Variants in MACF1 observed in about 807,000 individuals in gnomAD.
MACF1 encodes microtubule actin crosslinking factor 1.
A neutral mutation model predicts 854.8 loss-of-function variants in MACF1; 193 were observed. The ratio of observed to expected loss-of-function variants is 0.23; its 90% CI spans 0.20 to 0.25. MACF1 has a LOEUF of 0.25. Among genes scored for constraint, MACF1 ranks in the 10% least tolerant of loss-of-function variants. The pLI is 1.00. For missense variants in MACF1, 7,722 were observed against 8,929.1 expected, an observed-to-expected ratio of 0.86 and a Z score of 5.45; for synonymous variants, 3,185 against 3,226.7, an observed-to-expected ratio of 0.99 and a Z score of 0.44.
rs772507958 is a variant in MACF1, at chr1:39,428,230, A to G, written c.16746A>G (p.Ser5582=). The change falls in exon 63 of 101, where the codon TCA becomes TCG. Residue 5582 remains serine, a synonymous_variant. Transcript: ENST00000564288. ...WLAEVEDKLS[S]VFVKDFKQDV... is the part of the protein sequence containing the mutation. ...CTGAGGTTGAGGACAAGCTCAGTTC[A>G]GTGTTCGTAAAGGATTTCAAACAGG... The G allele has an allele frequency of 1.9e-6, 3 of 1,614,046 alleles. No homozygotes were observed. The highest frequency in any genetic ancestry group is 2.2e-5 in the South Asian group (2 of 91,044).
At chr1:39,376,269 A>G (rs1408363347) in intron 52 of MACF1, among the ~76,000 whole-genome samples, 3 of 152,226 alleles carry the variant, frequency 2.0e-5, no homozygotes, top group Non-Finnish European at 4.4e-5. Flanking sequence ...CATTTAAACC[A>G]AACATTAAAC....
At chr1:39,353,280 C>CCTG in intron 44 of MACF1, 49 bp downstream of exon 44, 1 of 1,420,846 alleles carries the variant, frequency 7.0e-7, no homozygotes, top group Non-Finnish European at 9.6e-7. Flanking sequence ...CTCTCCTGCC[C>CCTG]TGAGCAAGTA....
chr1:39,432,680 A>G (rs751878646), intron 67 of MACF1, 26 bp downstream of exon 67: 2 of 1,606,516 alleles, frequency 1.2e-6, no homozygotes, highest in Admixed American at 1.7e-5. Flanking sequence ...TTCCTGAGCT[A>G]ATAGAATCAT....
intron 2 of MACF1, among the ~76,000 whole-genome samples, chr1:39,242,070 C>A (rs932056206): frequency 6.6e-6 from 1 of 152,020 alleles, no homozygotes; most frequent in African/African-American, 2.4e-5. Context: ...AAATGGAGGC[C>A]GGGTGCAGTG....
intron 58 of MACF1, among the ~76,000 whole-genome samples, chr1:39,421,268 A>G (rs1618798): frequency 0.056 from 8,468 of 152,308 alleles, 301 homozygotes; most frequent in African/African-American, 0.098. Flanking sequence ...AGAGCAAAAT[A>G]TACACGTTGC....
intron 1 of MACF1, among the ~76,000 whole-genome samples, chr1:39,208,927 C>T (rs1020597556): frequency 8.6e-5 from 13 of 151,890 alleles, no homozygotes; most frequent in Admixed American, 3.3e-4. Flanking sequence ...TTACTCATCT[C>T]AGTATCTGCA....
intron 26 of MACF1, among the ~76,000 whole-genome samples, chr1:39,314,565 TCTCTCACACA>T (rs1437810942): frequency 5.2e-4 from 27 of 51,780 alleles, no homozygotes; most frequent in Admixed American, 1.6e-3. Flanking sequence ...TCTCTCTCTC[TCTCTCACACA>T]CACACACACA....
Position 39,285,108 on chromosome 1 carries a change from A to G in MACF1, c.1157A>G (p.Lys386Arg). The change falls in exon 12 of 101, where the codon AAA (lysine) becomes AGA (arginine). Residue 386 changes from lysine (K) to arginine (R), a missense_variant. Around this residue, in one of 15 missense-constraint regions of MACF1, gnomAD observed 97 missense variants for 130.4 expected, o/e 0.74. Coordinates refer to ENST00000564288, the MANE Select transcript of MACF1 (RefSeq NM_001394062.1). The part of the protein sequence containing the change: ...LEVWIEFGRI[K>R]LPQGYHPNDV... ...GTGTGGATTGAATTTGGCCGAATTA[A>G]ACTGCCTCAAGGTTATCACCCTAAT... 1.2e-6 allele frequency: 2 copies of G among 1,614,202 alleles called. No homozygotes were observed. Among genetic ancestry groups the G allele is most frequent in the Non-Finnish European group, 1.7e-6 (2 of 1,180,044 alleles).
intron 58 of MACF1, among the ~76,000 whole-genome samples, chr1:39,392,247 C>A (rs75415039): frequency 0.018 from 2,724 of 152,148 alleles, 85 homozygotes; most frequent in African/African-American, 0.063. Flanking sequence ...GAGAAAAATT[C>A]TGTGTGTCAG....
intron 44 of MACF1, among the ~76,000 whole-genome samples, chr1:39,353,628 G>A (rs942089229): frequency 1.3e-5 from 2 of 152,012 alleles, no homozygotes; most frequent in Non-Finnish European, 2.9e-5. Context: ...GCTTCAAAAC[G>A]GTATATAAAT....
chr1:39,346,669 G>A (rs1385502397), intron 40 of MACF1, among the ~76,000 whole-genome samples: 1 of 151,848 alleles, frequency 6.6e-6, no homozygotes, highest in Non-Finnish European at 1.5e-5. Flanking sequence ...ACAGGCGCCT[G>A]CCACTACGCC....
intron 84 of MACF1, 35 bp downstream of exon 84, chr1:39,448,798 G>A (rs746906450): frequency 1.3e-6 from 2 of 1,492,608 alleles, no homozygotes; most frequent in South Asian, 2.8e-5. Context: ...GGTCTAACCG[G>A]GATCCCAAAA....
At position 39,336,396 on chromosome 1, in the gene MACF1, T is replaced by C. The variant is rs375276705; in HGVS notation, c.9808T>C (p.Phe3270Leu). Residue 3270 changes from phenylalanine to leucine, a missense_variant, in exon 37 of 101, where the codon TTT (phenylalanine) becomes CTT (leucine). By Grantham distance (22) the Phe-to-Leu change is conservative. Transcript: ENST00000564288. Reference sequence around the variant, plus strand: ...GAGAGGTTCCAGAGTCTTGGGATCCTTTCTTCCAGAGAAACTGTTCAAAGG... The same window carrying C: ...GAGAGGTTCCAGAGTCTTGGGATCCCTTCTTCCAGAGAAACTGTTCAAAGG... ...TQRGSRVLGSFLPEKLFKGVS... is the reference protein window; with the variant it reads ...TQRGSRVLGSLLPEKLFKGVS... 63 of 1,614,092 alleles carry C rather than the reference T, an allele frequency of 3.9e-5. No homozygotes were observed. The highest frequency in any genetic ancestry group is 2.2e-5 in the South Asian group (2 of 91,088).
At position 39,267,917 on chromosome 1, in the gene MACF1, A is replaced by G. The variant is rs569004158; in HGVS notation, c.528+9889A>G. Reference sequence around the variant, plus strand: ...ATGCTCCAGAAGGCTAGATCTTTAAAGTCTGTGTTCCTTTTCTTAACTGTA... The same window carrying G: ...ATGCTCCAGAAGGCTAGATCTTTAAGGTCTGTGTTCCTTTTCTTAACTGTA... On this transcript the variant is annotated intron_variant, in intron 6 of 100. Transcript: ENST00000564288. Among the ~76,000 whole-genome samples the G allele has an allele frequency of 3.9e-5, 6 of 152,296 alleles. No individual in the cohort carries two copies. The South Asian group carries it at 1.2e-3, about 32-fold the overall frequency.
At chr1:39,454,226 A>T (rs1644392257) in intron 88 of MACF1, among the ~76,000 whole-genome samples, 1 of 152,208 alleles carries the variant, frequency 6.6e-6, no homozygotes, top group Non-Finnish European at 1.5e-5. Flanking sequence ...GTCCACATTC[A>T]CAGCCAAACA....
intron 45 of MACF1, 34 bp downstream of exon 45, chr1:39,357,927 C>T: frequency 3.2e-6 from 5 of 1,571,626 alleles, no homozygotes; most frequent in Non-Finnish European, 2.6e-6. Context: ...CTTGGTGAAA[C>T]AATCATGGCA....
rs1646796071 is a variant in MACF1 at position 39,335,490 on chromosome 1, A to C, written c.8902A>C (p.Asn2968His). The C allele has an allele frequency of 2.5e-6, 4 of 1,614,194 alleles. No individual in the cohort carries two copies. The highest frequency in any genetic ancestry group is 3.4e-6 in the Non-Finnish European group (4 of 1,180,022). ...TGAGCAGGTTTTGCAGCAACCAATGAATGCTCGGGTGAAAAGTAAGAGAGA... is the reference window on the plus strand; with the variant it reads ...TGAGCAGGTTTTGCAGCAACCAATGCATGCTCGGGTGAAAAGTAAGAGAGA... ...PSEQVLQQPM[N>H]ARVKSKREKR... The change falls in exon 37 of 101, where the codon AAT becomes CAT. Residue 2968 changes from asparagine to histidine, a missense_variant. Asn to His is a moderately conservative substitution (Grantham distance 68). Transcript: ENST00000564288.
At chr1:39,282,952 A>G (rs1003283982) in intron 7 of MACF1, among the ~76,000 whole-genome samples, 4 of 152,190 alleles carry the variant, frequency 2.6e-5, no homozygotes, top group African/African-American at 9.7e-5. Context: ...CTAACCGACG[A>G]TATTTTTCCC....
intron 97 of MACF1, among the ~76,000 whole-genome samples, chr1:39,473,268 C>T (rs750699717): frequency 1.3e-4 from 20 of 152,118 alleles, no homozygotes; most frequent in African/African-American, 2.9e-4. Flanking sequence ...TCATGGTGGC[C>T]TCTGGGGCTA....
Sources: allele counts gnomAD v4.1 joint callset (sites outside exome capture counted in the v4.1 genomes callset), GRCh38; gene constraint gnomAD v4.1.1; regional missense constraint gnomAD v4.1.1; transcripts MANE v1.5; gene names NCBI Gene and HGNC (gene_info 2026-07-23, HGNC 2026-07-21).